EYS: variants seen among roughly 807,000 people sequenced by gnomAD.
The protein encoded by EYS is EGF-like photoreceptor maintenance factor, also known as protein eyes shut homolog.
Under a neutral mutation model 282.1 loss-of-function variants are expected in EYS, and 250 were observed. That is an observed-to-expected ratio of 0.89 (90% CI 0.80 to 0.98). The LOEUF (loss-of-function observed/expected upper bound fraction) is 0.98, where lower values mean the gene tolerates loss of function less well. Ranked by LOEUF, EYS falls within the 50% of genes least tolerant of loss-of-function variation. The probability of loss-of-function intolerance (pLI) is 0.00; values close to 1 mark genes in which losing one functional copy is unlikely to be tolerated. For synonymous variants in EYS, 1,355 were observed against 1,282.9 expected, an observed-to-expected ratio of 1.06 and a Z score of -1.20; for missense variants, 4,016 against 3,709.0, an observed-to-expected ratio of 1.08 and a Z score of -2.15.
At chr6:65,276,901 A>G (rs181485277) in intron 12 of EYS, among the ~76,000 whole-genome samples, 1 of 152,306 alleles carries the variant, frequency 6.6e-6, no homozygotes, top group East Asian at 1.9e-4. Context: ...GCATGTTTGT[A>G]TAAAATATTT....
At chr6:63,918,922 G>A (rs542795262) in intron 35 of EYS, among the ~76,000 whole-genome samples, 8 of 152,276 alleles carry the variant, frequency 5.3e-5, no homozygotes, top group African/African-American at 1.9e-4. Context: ...AGGAGTGGCT[G>A]CTCCAGTCCA....
chr6:63,882,498 C>T (rs771404115), intron 35 of EYS, among the ~76,000 whole-genome samples: 6 of 152,164 alleles, frequency 3.9e-5, no homozygotes, highest in African/African-American at 7.2e-5. Context: ...ATTCATTCAC[C>T]CACTCAACGT....
intron 30 of EYS, among the ~76,000 whole-genome samples, chr6:64,259,646 A>G (rs1011166137): frequency 6.2e-5 from 9 of 146,250 alleles, no homozygotes; most frequent in Non-Finnish European, 9.0e-5. Flanking sequence ...ACTTTTACAC[A>G]CGCGCACACA....
intron 11 of EYS, among the ~76,000 whole-genome samples, chr6:65,300,244 G>T (rs1197573103): frequency 1.3e-5 from 2 of 151,908 alleles, no homozygotes; most frequent in African/African-American, 2.4e-5. Context: ...GTGTTTTCTG[G>T]GATGACTCTT....
chr6:64,371,372 G>A (rs1772365504), intron 29 of EYS, among the ~76,000 whole-genome samples: 1 of 150,234 alleles, frequency 6.7e-6, no homozygotes, highest in African/African-American at 2.5e-5. Context: ...CATATTCTGA[G>A]AGCATGGTTG....
chr6:65,173,322 G>T (rs530678894), intron 12 of EYS, among the ~76,000 whole-genome samples: 75 of 151,456 alleles, frequency 5.0e-4, no homozygotes, highest in African/African-American at 1.8e-3. Flanking sequence ...TATTTAGCAG[G>T]AGTGAATGAG....
intron 10 of EYS, among the ~76,000 whole-genome samples, chr6:65,336,913 T>A (rs924811195): frequency 2.6e-5 from 4 of 151,636 alleles, no homozygotes; most frequent in African/African-American, 9.6e-5. Flanking sequence ...TATATTTACA[T>A]ATACATATAT....
rs1342410528 is a variant in EYS, at chr6:64,637,886, A to G, written c.3444-11641T>C. On this transcript the variant is annotated intron_variant, in intron 22 of 42. Transcript: ENST00000503581. Reference sequence around the variant, plus strand: ...TGTAACAAACCTGCATGTGTACCACACATAAAATAAAAGTTTATGGTAAAA... The same window carrying G: ...TGTAACAAACCTGCATGTGTACCACGCATAAAATAAAAGTTTATGGTAAAA... Among the ~76,000 whole-genome samples the G allele has an allele frequency of 7.7e-5, 7 of 91,288 alleles. 3 individuals are homozygous for G. Among genetic ancestry groups the G allele is most frequent in the African/African-American group, 1.3e-4 (3 of 23,982 alleles). 59.9% of individuals were successfully genotyped at this position (91,288 alleles called of 152,430 possible).
chr6:65,380,299 G>T (rs1171104524), intron 8 of EYS, among the ~76,000 whole-genome samples: 1 of 151,894 alleles, frequency 6.6e-6, no homozygotes, highest in Non-Finnish European at 1.5e-5. Flanking sequence ...CACAACAAAG[G>T]ATTCAGAAGT....
At chr6:63,780,962 CAT>C (rs773759004) in intron 39 of EYS, among the ~76,000 whole-genome samples, 8 of 152,224 alleles carry the variant, frequency 5.3e-5, no homozygotes, top group Non-Finnish European at 1.0e-4. Context: ...CAGCTTTCTA[CAT>C]ATGACTAGCC....
rs1269017468 is a variant in EYS at position 65,652,390 on chromosome 6, T to G, written c.-447-12498A>C. On this transcript the variant is annotated intron_variant, in intron 1 of 42. Coordinates refer to ENST00000503581, the MANE Select transcript of EYS (RefSeq NM_001142800.2). Reference sequence around the variant, plus strand: ...GAGGCAATTGGAGGAAAAATTGTGCTGAAGTTAAGGAGGATAGGGAGGAGG... The same window carrying G: ...GAGGCAATTGGAGGAAAAATTGTGCGGAAGTTAAGGAGGATAGGGAGGAGG... Among the ~76,000 whole-genome samples, 14 of 151,882 alleles carry G rather than the reference T, an allele frequency of 9.2e-5. 1 individual carries two copies.
intron 18 of EYS, among the ~76,000 whole-genome samples, chr6:64,889,450 C>T (rs1285025478): frequency 2.0e-5 from 3 of 151,828 alleles, no homozygotes; most frequent in Non-Finnish European, 4.4e-5. Flanking sequence ...TGATTTCCTT[C>T]TGAATTTTGC....
intron 13 of EYS, among the ~76,000 whole-genome samples, chr6:65,033,601 T>G (rs1488379371): frequency 6.6e-6 from 1 of 152,092 alleles, no homozygotes. Context: ...GTGGAATCCA[T>G]ATGGTGTTAA....
chr6:65,157,737 C>T (rs1171613490), intron 12 of EYS, among the ~76,000 whole-genome samples: 2 of 150,190 alleles, frequency 1.3e-5, no homozygotes, highest in African/African-American at 4.9e-5. Flanking sequence ...TTAAGAATTC[C>T]TTTTTGTTTC....
chr6:64,556,878 T>C (rs569769041), intron 26 of EYS, among the ~76,000 whole-genome samples: 12 of 151,972 alleles, frequency 7.9e-5, no homozygotes, highest in Admixed American at 3.9e-4. Flanking sequence ...TGTAGTAAAA[T>C]AGCAGAACCT....
intron 24 of EYS, among the ~76,000 whole-genome samples, chr6:64,603,384 G>A (rs967628327): frequency 2.1e-4 from 32 of 151,998 alleles, no homozygotes; most frequent in African/African-American, 7.7e-4. Context: ...ATGAGTTGAA[G>A]CGGAAAGAGT....
At chr6:65,502,407 T>A (rs940777095) in intron 2 of EYS, among the ~76,000 whole-genome samples, 1 of 151,702 alleles carries the variant, frequency 6.6e-6, no homozygotes, top group East Asian at 1.9e-4. Flanking sequence ...AAAAATTTAG[T>A]AGAGTTTTAA....
intron 12 of EYS, among the ~76,000 whole-genome samples, chr6:65,120,159 A>AAAAAC (rs1775493559): frequency 6.7e-6 from 1 of 150,296 alleles, no homozygotes; most frequent in African/African-American, 2.4e-5. Flanking sequence ...CTCAAAAAAA[A>AAAAAC]AAAAAAACAA....
At chr6:64,412,332 G>A (rs987774849) in intron 28 of EYS, among the ~76,000 whole-genome samples, 2 of 152,148 alleles carry the variant, frequency 1.3e-5, no homozygotes, top group East Asian at 1.9e-4. Context: ...AATGTGAATA[G>A]CCTATTTAAA....
Sources: allele counts gnomAD v4.1 joint callset (sites outside exome capture counted in the v4.1 genomes callset), GRCh38; gene constraint gnomAD v4.1.1; transcripts MANE v1.5; gene names NCBI Gene and HGNC (gene_info 2026-07-23, HGNC 2026-07-21).